Variants in PLCB2 observed in about 807,000 individuals in gnomAD.
PLCB2 encodes phospholipase C beta 2.
Under a neutral mutation model 141.7 loss-of-function variants are expected in PLCB2, and 115 were observed. The observed-to-expected ratio is 0.81, with a 90% CI of 0.70 to 0.95. The LOEUF is 0.95. Among genes scored for constraint, PLCB2 ranks in the 40% least tolerant of loss-of-function variants. PLCB2 has a pLI of 0.00. For missense variants in PLCB2, 1,403 were observed against 1,541.1 expected, an observed-to-expected ratio of 0.91 and a Z score of 1.50; for synonymous variants, 603 against 595.6, an observed-to-expected ratio of 1.01 and a Z score of -0.18.
At position 40,297,811 on chromosome 15, in the gene PLCB2, A is replaced by G; in HGVS notation, c.1238+66T>C. The G allele has an allele frequency of 2.3e-6, 3 of 1,278,900 alleles. No homozygotes were observed. Among genetic ancestry groups the G allele is most frequent in the Non-Finnish European group, 2.3e-6 (2 of 880,052 alleles). The allele number at this position is 1,278,900 out of a possible 1,614,324, so 79.2% of individuals were successfully genotyped here. A position where few individuals can be genotyped will look rare whatever the true frequency, so the allele number is the denominator to read the frequency against. Reference sequence around the variant, plus strand: ...GTTAGAGGCTGGGGCAGTTGTGGGGAGGACAGTTGCAGACAGGAGACTGGG... The same window carrying G: ...GTTAGAGGCTGGGGCAGTTGTGGGGGGGACAGTTGCAGACAGGAGACTGGG... On this transcript the variant is annotated intron_variant, in intron 12 of 31. Coordinates refer to ENST00000260402, the MANE Select transcript of PLCB2 (RefSeq NM_004573.3). This position sits in a 1 kb window ranked among gnomAD's most constrained non-coding sequence, Gnocchi z 4.2.
chr15:40,297,437 G>A lies in PLCB2; in HGVS notation c.1323+84C>T. The A allele has an allele frequency of 9.9e-7, 1 of 1,006,930 alleles. No homozygotes were observed. Among genetic ancestry groups the A allele is most frequent in the African/African-American group, 1.6e-5 (1 of 63,512 alleles). The allele number at this position is 1,006,930 out of a possible 1,614,324, so 62.4% of individuals were successfully genotyped here. A position where few individuals can be genotyped will look rare whatever the true frequency, so the allele number is the denominator to read the frequency against. ...AAGTGAACCCTAGCATCCTCTGGGA[G>A]TGTCTCCCTCCCTAACCTGGTTCTC... is the stretch of plus-strand genomic sequence containing the variant. On this transcript the variant is annotated intron_variant, in intron 13 of 31. Coordinates refer to ENST00000260402, the MANE Select transcript of PLCB2 (RefSeq NM_004573.3). The surrounding 1 kb of genome is among the most constrained non-coding windows in gnomAD (Gnocchi z 4.2).
intron 3 of PLCB2, 36 bp from the exon 4 acceptor site, chr15:40,302,645 T>G: frequency 1.2e-6 from 2 of 1,610,108 alleles, no homozygotes; most frequent in Non-Finnish European, 8.5e-7. Flanking sequence ...GATGGAGGTG[T>G]GCTCCCTCCC....
At chr15:40,296,275 A>G in intron 16 of PLCB2, 21 bp downstream of exon 16, 1 of 1,585,412 alleles carries the variant, frequency 6.3e-7, no homozygotes, top group Non-Finnish European at 8.6e-7. Flanking sequence ...ACCCACCCGT[A>G]AGTTACTCAT....
In PLCB2 at chr15:40,298,378, C is replaced by T. The variant is rs1403282533; in HGVS notation, c.1000G>A (p.Gly334Ser). 9.5e-6 allele frequency: 15 copies of T among 1,581,622 alleles called. No homozygotes were observed. Among genetic ancestry groups the T allele is most frequent in the East Asian group, 2.2e-5 (1 of 44,494 alleles). ...NSSHNTYLTA[G>S]QFSGLSSAEM... The stretch of plus-strand genomic sequence containing the variant: ...GCCGAGGAGAGGCCTGAGAACTGGC[C>T]GGCTGAGCCAGAGGATGGGGAAGAG... The change falls in exon 11 of 32, where the codon GGC (glycine) becomes AGC (serine). Residue 334 changes from glycine to serine, a missense_variant and splice_region_variant. Transcript: ENST00000260402.
At chr15:40,294,156 G>T (rs562849970) in intron 19 of PLCB2, 110 bp downstream of exon 19, 3 of 1,126,958 alleles carry the variant, frequency 2.7e-6, no homozygotes, top group South Asian at 1.4e-5. Flanking sequence ...TGGGGCTGAA[G>T]TTTCCAGGAT....
rs1369856944 is a variant in PLCB2 at position 40,297,963 on chromosome 15, G to T, written c.1156-4C>A. The T allele has an allele frequency of 6.3e-7, 1 of 1,592,010 alleles. No homozygotes were observed. Reference sequence around the variant, plus strand: ...CTGCAATAGCCTCAATTGCTTCCTGGAGGAGAAGGAGACTCCATGAACAGA... The same window carrying T: ...CTGCAATAGCCTCAATTGCTTCCTGTAGGAGAAGGAGACTCCATGAACAGA... On this transcript the variant is annotated splice_polypyrimidine_tract_variant and splice_region_variant and intron_variant, in intron 11 of 31. Coordinates refer to ENST00000260402, the MANE Select transcript of PLCB2 (RefSeq NM_004573.3). This position sits in a 1 kb window ranked among gnomAD's most constrained non-coding sequence, Gnocchi z 4.2.
Position 40,307,597 on chromosome 15 carries a change from A to G in PLCB2, c.76T>C (p.Trp26Arg), listed in dbSNP as rs374351563. 27 of 1,585,014 alleles carry G rather than the reference A, an allele frequency of 1.7e-5. No homozygotes were observed. The highest frequency in any genetic ancestry group is 2.2e-5 in the Non-Finnish European group (26 of 1,163,422). ...GCCCCTGCCCCACTTACATCATCCC[A>G]TTTGATGAAGCGCTCCCCTTGGCTC... is the stretch of plus-strand genomic sequence containing the variant. ...YLSQGERFIK[W>R]DDETTVASPV... The change falls in exon 1 of 32, where the codon TGG becomes CGG. Residue 26 changes from tryptophan to arginine, a missense_variant. By Grantham distance (101) the Trp-to-Arg change is moderately radical. Around this residue, in one of 4 missense-constraint regions of PLCB2, gnomAD observed 975 missense variants for 1,141.1 expected, o/e 0.85. Coordinates refer to ENST00000260402, the MANE Select transcript of PLCB2 (RefSeq NM_004573.3).
chr15:40,306,829 A>G (rs2898992), intron 1 of PLCB2, among the ~76,000 whole-genome samples: 150,818 of 152,336 alleles, frequency 0.99, 74,677 homozygotes, highest in East Asian at 1. Context: ...CCTGAAGGAG[A>G]ATCTCCATAT....
Position 40,302,257 on chromosome 15 carries a change from A to G in PLCB2, c.452+13T>C. The stretch of plus-strand genomic sequence containing the variant: ...CTCAGCACCAGGGCTCAGGCCAGGC[A>G]GAGGGCACTTACATCTTGTCCAGGA... On this transcript the variant is annotated intron_variant, in intron 5 of 31. Transcript: ENST00000260402. 6.2e-7 allele frequency: 1 copy of G among 1,614,178 alleles called. No homozygotes were observed. The highest frequency in any genetic ancestry group is 8.5e-7 in the Non-Finnish European group (1 of 1,180,002).
chr15:40,297,018 T>C lies in PLCB2; in HGVS notation c.1324-110A>G, dbSNP rs1393528512. The C allele has an allele frequency of 3.1e-6, 3 of 966,222 alleles. No individual in the cohort carries two copies. Among genetic ancestry groups the C allele is most frequent in the Non-Finnish European group, 4.8e-6 (3 of 619,172 alleles). The allele number at this position is 966,222 out of a possible 1,614,324, so 59.9% of individuals were successfully genotyped here. A position where few individuals can be genotyped will look rare whatever the true frequency, so the allele number is the denominator to read the frequency against. On this transcript the variant is annotated intron_variant, in intron 13 of 31. Transcript: ENST00000260402. The surrounding 1 kb of genome is among the most constrained non-coding windows in gnomAD (Gnocchi z 4.2). ...CCTCCCCCACTCCTCTTGACCTGCCTCTCACTACTGCTTATCATCCCCATT... is the reference window on the plus strand; with the variant it reads ...CCTCCCCCACTCCTCTTGACCTGCCCCTCACTACTGCTTATCATCCCCATT...
downstream of PLCB2, chr15:40,285,712 T>G (rs2039600938): frequency 1.0e-6 from 1 of 985,236 alleles, no homozygotes; most frequent in East Asian, 1.1e-4. Flanking sequence ...GGGAAATTGC[T>G]TTCTTCCCTT....
intron 29 of PLCB2, 59 bp from the exon 30 acceptor site, chr15:40,290,141 CAT>C: frequency 9.4e-7 from 1 of 1,060,636 alleles, no homozygotes; most frequent in Non-Finnish European, 1.5e-6. Flanking sequence ...AGTAGGGTAA[CAT>C]GAAGTCTACG....
intron 21 of PLCB2, 151 bp from the exon 22 acceptor site, chr15:40,292,594 C>A (rs373406012): frequency 3.5e-6 from 2 of 572,804 alleles, no homozygotes; most frequent in African/African-American, 3.7e-5. Flanking sequence ...TGAGACTTTA[C>A]TCATCTATGA....
intron 1 of PLCB2, among the ~76,000 whole-genome samples, chr15:40,305,968 T>C (rs1305952293): frequency 6.6e-6 from 1 of 152,144 alleles, no homozygotes; most frequent in East Asian, 1.9e-4. Context: ...GGAGTTTTGA[T>C]TATAGCCAGT....
Position 40,288,817 on chromosome 15 carries a change from G to A in PLCB2, c.3456C>T (p.Ser1152=), listed in dbSNP as rs372589138. The A allele has an allele frequency of 2.8e-5, 45 of 1,613,780 alleles. No homozygotes were observed. The highest frequency in any genetic ancestry group is 5.3e-5 in the African/African-American group (4 of 74,914). The change falls in exon 32 of 32, where the codon TCC becomes TCT. Residue 1152 remains serine, a synonymous_variant. Transcript: ENST00000260402. Reference sequence around the variant, plus strand: ...CCCTCTCAGGCTTGTCCTTGGCCTCGGAGGGAAAGCAGGTCCTGAGGCAGG... The same window carrying A: ...CCCTCTCAGGCTTGTCCTTGGCCTCAGAGGGAAAGCAGGTCCTGAGGCAGG... ...VRACLRTCFP[S]EAKDKPERAC...
At chr15:40,284,618 GATC>G (rs2039582936), downstream of PLCB2, 3 of 452,292 alleles carry the variant, frequency 6.6e-6, no homozygotes, top group Non-Finnish European at 1.3e-5. Flanking sequence ...GAGGCGGGCG[GATC>G]ACGAGATCAA....
intron 22 of PLCB2, 69 bp downstream of exon 22, chr15:40,292,270 G>C: frequency 6.6e-7 from 1 of 1,512,200 alleles, no homozygotes; most frequent in South Asian, 1.1e-5. Context: ...CCCAACTCTG[G>C]AAGCTGGCTT....
Position 40,294,298 on chromosome 15 carries a change from C to G in PLCB2, c.2029G>C (p.Asp677His). The stretch of plus-strand genomic sequence containing the variant: ...GAAAGGGTGGTGGCCACCACCACGT[C>G]GATGCGGTCCACTGAGAAGGGGTTG... ...QFNPFSVDRI[D>H]VVVATTLSIT... Residue 677 changes from aspartate to histidine, a missense_variant, in exon 19 of 32, where the codon GAC (aspartate) becomes CAC (histidine). Transcript: ENST00000260402. The G allele has an allele frequency of 6.2e-7, 1 of 1,614,018 alleles. No individual in the cohort carries two copies. Among genetic ancestry groups the G allele is most frequent in the Non-Finnish European group, 8.5e-7 (1 of 1,180,020 alleles).
chr15:40,301,651 TG>T, intron 7 of PLCB2: 1 of 703,004 alleles, frequency 1.4e-6, no homozygotes, highest in East Asian at 2.7e-5. Context: ...AACACTAGAC[TG>T]GGAATGCATG....
Sources: allele counts gnomAD v4.1 joint callset (sites outside exome capture counted in the v4.1 genomes callset), GRCh38; gene constraint gnomAD v4.1.1; regional missense constraint gnomAD v4.1.1; non-coding constraint Gnocchi (gnomAD v3.1); transcripts MANE v1.5; gene names NCBI Gene and HGNC (gene_info 2026-07-23, HGNC 2026-07-21).